Variants in KCTD3 observed in about 807,000 individuals in gnomAD.
The protein encoded by KCTD3 is potassium channel tetramerization domain containing 3.
In KCTD3, 41 loss-of-function variants were observed where a neutral mutation model predicts 85.8. The observed-to-expected ratio is 0.48, with a 90% CI of 0.37 to 0.62. KCTD3 has a LOEUF of 0.62. Among genes scored for constraint, KCTD3 ranks in the 20% least tolerant of loss-of-function variants. The pLI is 0.00. For synonymous variants in KCTD3, 338 were observed against 345.4 expected (o/e 0.98, Z 0.24); for missense variants, 724 against 989.9 (o/e 0.73, Z 3.60).
chr1:215,604,800 CTG>C (rs1654952469), intron 13 of KCTD3, among the ~76,000 whole-genome samples: 1 of 151,190 alleles, frequency 6.6e-6, no homozygotes, highest in Non-Finnish European at 1.5e-5. Context: ...AATGCTAAAA[CTG>C]TAGATTTAAA....
At chr1:215,571,369 G>T (rs1245299363) in intron 1 of KCTD3, among the ~76,000 whole-genome samples, 1 of 152,102 alleles carries the variant, frequency 6.6e-6, no homozygotes, top group African/African-American at 2.4e-5. Context: ...AGGAGCATTT[G>T]CAGTGTTTTC....
chr1:215,603,896 G>T (rs1172475499), intron 12 of KCTD3, among the ~76,000 whole-genome samples: 1 of 152,142 alleles, frequency 6.6e-6, no homozygotes, highest in Non-Finnish European at 1.5e-5. Flanking sequence ...ATAGTGCAAG[G>T]CAGGAGGTGA....
intron 1 of KCTD3, among the ~76,000 whole-genome samples, chr1:215,573,428 G>A (rs1659441983): frequency 2.0e-5 from 3 of 152,144 alleles, no homozygotes; most frequent in Admixed American, 2.0e-4. Context: ...CATTTGTACT[G>A]GAGAGATGAG....
At chr1:215,589,518 G>A (rs1333513255) in intron 9 of KCTD3, among the ~76,000 whole-genome samples, 1 of 152,090 alleles carries the variant, frequency 6.6e-6, no homozygotes, top group Non-Finnish European at 1.5e-5. Flanking sequence ...AAAATGTTTT[G>A]CTACATAAAG....
chr1:215,574,553 G>T (rs923601471), intron 3 of KCTD3, among the ~76,000 whole-genome samples: 2 of 152,140 alleles, frequency 1.3e-5, no homozygotes, highest in African/African-American at 4.8e-5. Flanking sequence ...GGGAAGGAAA[G>T]AATTGTAAAG....
At chr1:215,606,368 T>C (rs1333177495) in intron 13 of KCTD3, among the ~76,000 whole-genome samples, 1 of 152,130 alleles carries the variant, frequency 6.6e-6, no homozygotes, top group African/African-American at 2.4e-5. Flanking sequence ...TTATCACTTA[T>C]TCATTTATTT....
intron 15 of KCTD3, among the ~76,000 whole-genome samples, chr1:215,616,756 G>A (rs141147971): frequency 6.6e-5 from 10 of 152,206 alleles, no homozygotes; most frequent in African/African-American, 2.4e-4. Context: ...GCAAAACTCC[G>A]TCTAATGAAA....
intron 8 of KCTD3, among the ~76,000 whole-genome samples, chr1:215,585,846 T>A (rs868051231): frequency 1.3e-5 from 2 of 152,218 alleles, no homozygotes; most frequent in Admixed American, 1.3e-4. Context: ...CATATGGAAC[T>A]GTAGTTCCAT....
In KCTD3 at chr1:215,620,407, A is replaced by T; in HGVS notation, c.2237A>T (p.Glu746Val). ...TCCAAGAAAAGGTCATCAGAAGATG[A>T]AAATGAAAATAAAATAGAGTTTAGG... ...SESKKRSSED[E>V]NENKIEFRKK... Residue 746 changes from glutamate (E) to valine (V), a missense_variant, in exon 18 of 18, where the codon GAA becomes GTA. This residue lies in a region of KCTD3 where 222 missense variants were observed against 217.7 expected (regional missense o/e 1.02). Transcript: ENST00000259154. The T allele has an allele frequency of 6.2e-7, 1 of 1,612,956 alleles. No individual in the cohort carries two copies. The highest frequency in any genetic ancestry group is 8.5e-7 in the Non-Finnish European group (1 of 1,179,524).
intron 15 of KCTD3, among the ~76,000 whole-genome samples, chr1:215,616,241 C>G (rs1348585539): frequency 1.3e-5 from 2 of 152,050 alleles, no homozygotes; most frequent in Non-Finnish European, 2.9e-5. Context: ...ATAAACAGGA[C>G]TCTGAGGAGG....
chr1:215,610,931 A>G (rs1349829414), intron 14 of KCTD3, among the ~76,000 whole-genome samples: 4 of 152,022 alleles, frequency 2.6e-5, no homozygotes, highest in African/African-American at 4.8e-5. Flanking sequence ...TCATTTAATA[A>G]GTACATGTAT....
chr1:215,576,057 T>C, intron 4 of KCTD3, 83 bp downstream of exon 4: 1 of 831,694 alleles, frequency 1.2e-6, no homozygotes, highest in Non-Finnish European at 1.9e-6. Context: ...AAGGTTTTTT[T>C]TGTTTGTTTT....
chr1:215,601,320 A>G (rs1009361606), intron 10 of KCTD3, among the ~76,000 whole-genome samples: 2 of 152,202 alleles, frequency 1.3e-5, no homozygotes, highest in African/African-American at 4.8e-5. Context: ...TTCCCTTGCC[A>G]TTTCCTAGAA....
chr1:215,606,525 C>G (rs1655027362), intron 13 of KCTD3, among the ~76,000 whole-genome samples: 2 of 151,786 alleles, frequency 1.3e-5, no homozygotes, highest in Admixed American at 6.6e-5. Context: ...AGAAAATGGG[C>G]CGTTTTGAAG....
chr1:215,588,280 A>C (rs1660087600), intron 9 of KCTD3, among the ~76,000 whole-genome samples: 1 of 152,238 alleles, frequency 6.6e-6, no homozygotes, highest in Middle Eastern at 3.4e-3. Flanking sequence ...GTACTTAGTC[A>C]TACAGAATAT....
intron 9 of KCTD3, among the ~76,000 whole-genome samples, chr1:215,588,723 G>T (rs1170127424): frequency 6.6e-6 from 1 of 152,052 alleles, no homozygotes; most frequent in African/African-American, 2.4e-5. Flanking sequence ...ATACCAGATG[G>T]GTACAAGTAA....
Position 215,607,925 on chromosome 1 carries a change from TC to T in KCTD3, c.1310-91del, listed in dbSNP as rs1655096189. 3 of 906,346 alleles carry T rather than the reference TC, an allele frequency of 3.3e-6. No individual in the cohort carries two copies. In the African/African-American group the frequency reaches 5.1e-5, roughly 16 times the overall value. The allele number at this position is 906,346 out of a possible 1,614,324, so 56.1% of individuals were successfully genotyped here. A position where few individuals can be genotyped will look rare whatever the true frequency, so the allele number is the denominator to read the frequency against. ...TAAATATGTCATTTGCCACTTATAC[TC>T]TGATCTGTGTAATATAGATGATAGT... On this transcript the variant is annotated intron_variant, in intron 13 of 17. Coordinates refer to ENST00000259154, the MANE Select transcript of KCTD3 (RefSeq NM_016121.5).
chr1:215,596,556 G>T (rs1660423595), intron 10 of KCTD3, among the ~76,000 whole-genome samples: 1 of 152,132 alleles, frequency 6.6e-6, no homozygotes, highest in African/African-American at 2.4e-5. Context: ...ATATGATGGA[G>T]AAATGACATT....
intron 9 of KCTD3, among the ~76,000 whole-genome samples, chr1:215,588,268 T>C (rs951389879): frequency 1.3e-5 from 2 of 152,080 alleles, no homozygotes; most frequent in Non-Finnish European, 2.9e-5. Context: ...GACATAGCCA[T>C]AGTACTTAGT....
Sources: allele counts gnomAD v4.1 joint callset (sites outside exome capture counted in the v4.1 genomes callset), GRCh38; gene constraint gnomAD v4.1.1; regional missense constraint gnomAD v4.1.1; transcripts MANE v1.5; gene names NCBI Gene and HGNC (gene_info 2026-07-23, HGNC 2026-07-21).